CADPS2: variants seen among roughly 807,000 people sequenced by gnomAD.
CADPS2 encodes the protein calcium dependent secretion activator 2, also known as calcium-dependent secretion activator 2.
CADPS2 carries 93 observed loss-of-function variants against 172.5 expected under a neutral mutation model. The observed-to-expected ratio is 0.54, with a 90% confidence interval of 0.46 to 0.64. CADPS2 has a LOEUF of 0.64. Among genes scored for constraint, CADPS2 ranks in the 30% least tolerant of loss-of-function variants. The pLI is 0.00. For synonymous variants in CADPS2, 546 were observed against 555.2 expected (o/e 0.98, Z 0.23); for missense variants, 1,420 against 1,565.9 (o/e 0.91, Z 1.57).
chr7:122,705,412 T>G lies in CADPS2; in HGVS notation c.453+31543A>C, dbSNP rs1170979713. 2.1e-5 allele frequency among the ~76,000 whole-genome samples: 3 copies of G among 142,028 alleles called. No homozygotes were observed. In the East Asian group the frequency reaches 6.0e-4, roughly 28 times the overall value. 93.2% of individuals were successfully genotyped at this position (142,028 alleles called of 152,430 possible). A position where few individuals can be genotyped will look rare whatever the true frequency, so the allele number is the denominator to read the frequency against. Reference sequence around the variant, plus strand: ...GTAGGTTACAGAGAATTGAAATATATTAGTAGAGATAATATATAATATGTA... The same window carrying G: ...GTAGGTTACAGAGAATTGAAATATAGTAGTAGAGATAATATATAATATGTA... On this transcript the variant is annotated intron_variant, in intron 2 of 29. Transcript: ENST00000449022.
intron 8 of CADPS2, among the ~76,000 whole-genome samples, chr7:122,529,277 C>A (rs10269952): frequency 0.015 from 2,256 of 152,090 alleles, 59 homozygotes; most frequent in African/African-American, 0.051. Flanking sequence ...CTAAATATTT[C>A]TATTTTAATG....
At chr7:122,434,065 T>A (rs2050325898) in intron 17 of CADPS2, among the ~76,000 whole-genome samples, 1 of 152,234 alleles carries the variant, frequency 6.6e-6, no homozygotes, top group African/African-American at 2.4e-5. Flanking sequence ...CTGAACTTCT[T>A]GTTTGTAAAC....
chr7:122,702,080 C>T (rs1181169513), intron 2 of CADPS2: 2 of 1,613,442 alleles, frequency 1.2e-6, no homozygotes, highest in African/African-American at 2.7e-5. Context: ...TTGACTTCGC[C>T]TCCTGGTGAA....
intron 14 of CADPS2, among the ~76,000 whole-genome samples, chr7:122,462,771 A>G (rs2054619513): frequency 6.6e-6 from 1 of 152,204 alleles, no homozygotes; most frequent in Non-Finnish European, 1.5e-5. Context: ...CCAAATGATG[A>G]TAACAATGTT....
chr7:122,649,181 C>G (rs1407299612), intron 3 of CADPS2, among the ~76,000 whole-genome samples: 1 of 152,020 alleles, frequency 6.6e-6, no homozygotes, highest in Admixed American at 6.6e-5. Flanking sequence ...GCAACACACA[C>G]CATACCTCCC....
chr7:122,793,546 A>T (rs1795732693), intron 1 of CADPS2, among the ~76,000 whole-genome samples: 1 of 152,130 alleles, frequency 6.6e-6, no homozygotes, highest in South Asian at 2.1e-4. Context: ...GGGTCCCTTA[A>T]AGACAGCATA....
At chr7:122,510,154 G>T (rs1477294943) in intron 9 of CADPS2, among the ~76,000 whole-genome samples, 1 of 151,936 alleles carries the variant, frequency 6.6e-6, no homozygotes, top group Non-Finnish European at 1.5e-5. Context: ...CACTGAGCAA[G>T]CACAAGAAAA....
intron 1 of CADPS2, among the ~76,000 whole-genome samples, chr7:122,820,849 G>A (rs62482480): frequency 1.5e-5 from 2 of 129,132 alleles, no homozygotes; most frequent in African/African-American, 3.0e-5. Context: ...GTGAGCCACC[G>A]CGCCCGGCCG....
chr7:122,801,889 G>A (rs1797742923), intron 1 of CADPS2, among the ~76,000 whole-genome samples: 1 of 151,796 alleles, frequency 6.6e-6, no homozygotes, highest in African/African-American at 2.4e-5. Flanking sequence ...CTGCGCAGGT[G>A]AGAATCACTT....
chr7:122,539,850 C>A (rs80104099), intron 8 of CADPS2, among the ~76,000 whole-genome samples: 5,005 of 151,818 alleles, frequency 0.033, 259 homozygotes, highest in African/African-American at 0.12. Context: ...GTAAAGCATG[C>A]TTTAATTTTA....
chr7:122,779,820 T>G (rs2139352548), intron 1 of CADPS2, among the ~76,000 whole-genome samples: 1 of 152,266 alleles, frequency 6.6e-6, no homozygotes, highest in South Asian at 2.1e-4. Context: ...CCTATCATGC[T>G]CCAATATCTT....
intron 6 of CADPS2, among the ~76,000 whole-genome samples, chr7:122,612,841 T>C (rs1254281770): frequency 3.3e-5 from 5 of 152,110 alleles, no homozygotes; most frequent in African/African-American, 1.2e-4. Context: ...GGCATAAGAA[T>C]AGACATATAG....
Position 122,437,588 on chromosome 7 carries a change from TTTCCC to T in CADPS2, c.2476+748_2476+752del, listed in dbSNP as rs140607225. Among the ~76,000 whole-genome samples, 479 of 152,214 alleles carry T rather than the reference TTTCCC, an allele frequency of 3.1e-3. 2 individuals carry two copies. The highest frequency in any genetic ancestry group is 5.3e-3 in the Non-Finnish European group (360 of 67,968). ...TAAGTATTTAACATTAACTGCATTT[TTTCCC>T]TCTATTAGTTAATCCTGCATGTATT... On this transcript the variant is annotated intron_variant, in intron 17 of 29. Transcript: ENST00000449022.
At chr7:122,424,653 T>C (rs1280842982) in intron 17 of CADPS2, among the ~76,000 whole-genome samples, 1 of 152,272 alleles carries the variant, frequency 6.6e-6, no homozygotes, top group Non-Finnish European at 1.5e-5. Context: ...GTATTTGGTT[T>C]ATCATTTGTC....
At chr7:122,652,423 G>A (rs546877052) in intron 3 of CADPS2, among the ~76,000 whole-genome samples, 1 of 152,208 alleles carries the variant, frequency 6.6e-6, no homozygotes, top group South Asian at 2.1e-4. Flanking sequence ...ATTTAAAAAA[G>A]TGAAATAAAA....
intron 1 of CADPS2, among the ~76,000 whole-genome samples, chr7:122,827,523 T>C (rs1426530286): frequency 6.6e-6 from 1 of 151,476 alleles, no homozygotes; most frequent in Non-Finnish European, 1.5e-5. Flanking sequence ...TCCCAGCTAC[T>C]TGGGAGGCTG....
In CADPS2 at chr7:122,856,069, C is replaced by A. The variant is rs537735486; in HGVS notation, c.339+29930G>T. ...TTCCTTCTGCCTGGAACATAGATAC[C>A]TTTGCAGGCAGTTGTAATCATGGAA... On this transcript the variant is annotated intron_variant, in intron 1 of 29. Coordinates refer to ENST00000449022, the MANE Select transcript of CADPS2 (RefSeq NM_017954.11). Among the ~76,000 whole-genome samples the A allele has an allele frequency of 2.4e-4, 36 of 152,270 alleles. No homozygotes were observed. The South Asian group carries it at 5.8e-3, about 25-fold the overall frequency.
At chr7:122,834,954 A>G (rs1563135082) in intron 1 of CADPS2, among the ~76,000 whole-genome samples, 1 of 152,148 alleles carries the variant, frequency 6.6e-6, no homozygotes, top group Admixed American at 6.5e-5. Context: ...CCCAGCACAG[A>G]GTTTGAGAAC....
chr7:122,629,323 A>G lies in CADPS2; in HGVS notation c.792T>C (p.Asp264=), dbSNP rs2076358826. Residue 264 remains aspartate, a synonymous_variant, in exon 4 of 30, where the codon GAT becomes GAC. Transcript: ENST00000449022. ...TCTGGGCTGCTTGTTCATCTGCGTT[A>G]TCCAGCTTAAAAATAAAACAGAAGT... is the stretch of plus-strand genomic sequence containing the variant. ...HQLLYNACQL[D]NADEQAAQIR... The G allele has an allele frequency of 6.2e-7, 1 of 1,605,952 alleles. No individual in the cohort carries two copies.
Sources: allele counts gnomAD v4.1 joint callset (sites outside exome capture counted in the v4.1 genomes callset), GRCh38; gene constraint gnomAD v4.1.1; transcripts MANE v1.5; gene names NCBI Gene and HGNC (gene_info 2026-07-23, HGNC 2026-07-21).